DZANK1: variants seen among roughly 807,000 people sequenced by gnomAD.
DZANK1 encodes the protein double zinc ribbon and ankyrin repeat domains 1.
DZANK1 carries 91 observed loss-of-function variants against 94.5 expected under a neutral mutation model. The observed-to-expected ratio is 0.96, with a 90% CI of 0.81 to 1.15. The LOEUF (loss-of-function observed/expected upper bound fraction) is 1.15, where lower values mean the gene tolerates loss of function less well. Among genes scored for constraint, DZANK1 ranks in the 50% most tolerant of loss-of-function variants. The pLI, the probability that DZANK1 is intolerant of heterozygous loss-of-function variation, is 0.00. For synonymous variants in DZANK1, 312 were observed against 325.3 expected (o/e 0.96, Z 0.44); for missense variants, 903 against 916.4 (o/e 0.99, Z 0.19).
At chr20:18,414,004 T>TG (rs1207655045) in intron 12 of DZANK1, among the ~76,000 whole-genome samples, 1 of 152,210 alleles carries the variant, frequency 6.6e-6, no homozygotes, top group Non-Finnish European at 1.5e-5. Context: ...CCTCAAACTA[T>TG]GCCCAGCTGT....
chr20:18,438,548 A>G (rs1320935299), intron 8 of DZANK1, among the ~76,000 whole-genome samples: 3 of 152,228 alleles, frequency 2.0e-5, no homozygotes, highest in African/African-American at 7.2e-5. Context: ...CTACATAAAT[A>G]TCAGAGAATA....
intron 13 of DZANK1, among the ~76,000 whole-genome samples, chr20:18,408,319 AAAAC>A (rs929327335): frequency 7.9e-5 from 12 of 152,368 alleles, no homozygotes; most frequent in Admixed American, 2.6e-4. Context: ...CCGTCTCAAA[AAAAC>A]AAACAAACAA....
chr20:18,450,974 C>T (rs1264114385), intron 6 of DZANK1, among the ~76,000 whole-genome samples: 2 of 152,150 alleles, frequency 1.3e-5, no homozygotes, highest in Non-Finnish European at 2.9e-5. Context: ...GAGATAGAGT[C>T]TCACGTTGTT....
intron 10 of DZANK1, among the ~76,000 whole-genome samples, chr20:18,419,086 T>C (rs1005583324): frequency 2.0e-5 from 3 of 151,792 alleles, no homozygotes; most frequent in African/African-American, 7.3e-5. Flanking sequence ...ACATGGTAAA[T>C]CCTCGTTTCT....
chr20:18,413,132 G>T, intron 12 of DZANK1: 1 of 491,126 alleles, frequency 2.0e-6, no homozygotes, highest in Non-Finnish European at 3.6e-6. Context: ...ATCCTTTTCA[G>T]CTCTGTAATC....
chr20:18,405,263 G>A (rs546952610), intron 13 of DZANK1, among the ~76,000 whole-genome samples: 2 of 152,154 alleles, frequency 1.3e-5, no homozygotes, highest in East Asian at 3.9e-4. Context: ...ATAAACACAT[G>A]AAAGGAAAAC....
intron 13 of DZANK1, among the ~76,000 whole-genome samples, chr20:18,409,584 C>T (rs918002810): frequency 1.7e-5 from 1 of 57,170 alleles, no homozygotes; most frequent in Non-Finnish European, 4.7e-5. Context: ...ACACACACAC[C>T]ACCACCACCA....
chr20:18,393,480 C>A (rs575394681), intron 17 of DZANK1, among the ~76,000 whole-genome samples: 2 of 152,184 alleles, frequency 1.3e-5, no homozygotes, highest in African/African-American at 4.8e-5. Context: ...AGAACTGACC[C>A]CAGAGGAAAC....
At chr20:18,395,413 G>A (rs1375586431) in intron 15 of DZANK1, among the ~76,000 whole-genome samples, 2 of 152,154 alleles carry the variant, frequency 1.3e-5, no homozygotes, top group South Asian at 2.1e-4. Context: ...CCTGGGAACA[G>A]TTACTCCAAT....
chr20:18,437,968 C>A (rs1225257135), intron 8 of DZANK1, among the ~76,000 whole-genome samples: 1 of 151,874 alleles, frequency 6.6e-6, no homozygotes, highest in Non-Finnish European at 1.5e-5. Context: ...CCTGTAATCC[C>A]AGCACTTTGG....
chr20:18,451,403 T>C (rs2059096605), intron 6 of DZANK1, among the ~76,000 whole-genome samples: 1 of 152,160 alleles, frequency 6.6e-6, no homozygotes, highest in Non-Finnish European at 1.5e-5. Flanking sequence ...TGGCAACATA[T>C]TCTTTTGGCT....
chr20:18,437,598 A>G (rs945912582), intron 8 of DZANK1, among the ~76,000 whole-genome samples: 1 of 151,970 alleles, frequency 6.6e-6, no homozygotes, highest in African/African-American at 2.4e-5. Context: ...AAAGAAAAAA[A>G]AGAAAAGAAA....
chr20:18,450,174 A>G (rs1314629128), intron 6 of DZANK1, among the ~76,000 whole-genome samples: 1 of 152,224 alleles, frequency 6.6e-6, no homozygotes, highest in Admixed American at 6.5e-5. Context: ...AGGAAACTCA[A>G]AGGTCTGAAC....
chr20:18,430,569 C>T (rs958144016), intron 9 of DZANK1, among the ~76,000 whole-genome samples: 2 of 152,196 alleles, frequency 1.3e-5, no homozygotes, highest in African/African-American at 4.8e-5. Context: ...AATCCCAGAA[C>T]CTTGGGAGGC....
chr20:18,440,280 C>G lies in DZANK1; in HGVS notation c.747+3067G>C, dbSNP rs1433344556. Among the ~76,000 whole-genome samples, 6 of 152,224 alleles carry G rather than the reference C, an allele frequency of 3.9e-5. No homozygotes were observed. The South Asian group carries it at 1.2e-3, about 32-fold the overall frequency. On this transcript the variant is annotated intron_variant, in intron 8 of 20. Transcript: ENST00000262547. ...CCTGGGAAACTTCTGCTATCCCAAT[C>G]TCATTAAACACAGGCCACTACTGAG... is the stretch of plus-strand genomic sequence containing the variant.
At chr20:18,390,570 G>T in intron 17 of DZANK1, 111 bp from the exon 18 acceptor site, 2 of 935,916 alleles carry the variant, frequency 2.1e-6, no homozygotes, top group Non-Finnish European at 3.4e-6. Context: ...GACTATGAGT[G>T]TGTGCATGTG....
At position 18,399,974 on chromosome 20, in the gene DZANK1, C is replaced by G. The variant is rs564938191; in HGVS notation, c.1433-1348G>C. On this transcript the variant is annotated intron_variant, in intron 13 of 20. Coordinates refer to ENST00000262547, the Ensembl canonical transcript of DZANK1. ...GCAGCATGGTTCAGTGGAAAGAGAACATAATTTGGAGTTCAGACAAGCCTG... is the reference window on the plus strand; with the variant it reads ...GCAGCATGGTTCAGTGGAAAGAGAAGATAATTTGGAGTTCAGACAAGCCTG... Among the ~76,000 whole-genome samples the G allele has an allele frequency of 3.3e-5, 5 of 152,334 alleles. No homozygotes were observed. In the South Asian group the frequency reaches 1.0e-3, roughly 32 times the overall value.
At chr20:18,435,323 C>T (rs2058476863) in intron 8 of DZANK1, among the ~76,000 whole-genome samples, 1 of 152,072 alleles carries the variant, frequency 6.6e-6, no homozygotes, top group Non-Finnish European at 1.5e-5. Context: ...CTATTTACGA[C>T]AGCAAAGTCT....
chr20:18,447,729 T>A (rs529972120), intron 7 of DZANK1, among the ~76,000 whole-genome samples: 1 of 152,090 alleles, frequency 6.6e-6, no homozygotes, highest in African/African-American at 2.4e-5. Flanking sequence ...ACATCATTAG[T>A]CACTAGGGAA....
Sources: gnomAD v4.1 joint callset for allele counts (sites outside exome capture counted in the v4.1 genomes callset) on GRCh38, gnomAD v4.1.1 for gene constraint, MANE v1.5 for transcripts, NCBI Gene and HGNC (gene_info 2026-07-23, HGNC 2026-07-21) for gene names.